The following DAG1 variants were observed in gnomAD, a reference collection of about 807,000 sequenced individuals.
DAG1 encodes the protein dystroglycan 1.
DAG1 carries 8 observed loss-of-function variants against 46.1 expected under a neutral mutation model. The ratio of observed to expected loss-of-function variants is 0.17; its 90% CI spans 0.10 to 0.31. The LOEUF (loss-of-function observed/expected upper bound fraction) is 0.31, where lower values mean the gene tolerates loss of function less well. DAG1 is among the 10% of genes least tolerant of loss of function. The pLI, the probability that DAG1 is intolerant of heterozygous loss-of-function variation, is 1.00. For synonymous variants in DAG1, 495 were observed against 481.8 expected, an observed-to-expected ratio of 1.03 and a Z score of -0.36; for missense variants, 1,003 against 1,189.9, an observed-to-expected ratio of 0.84 and a Z score of 2.31.
At chr3:49,481,975 TATC>T (rs1177160267) in intron 1 of DAG1, among the ~76,000 whole-genome samples, 1 of 152,218 alleles carries the variant, frequency 6.6e-6, no homozygotes, top group Admixed American at 6.5e-5. Flanking sequence ...AATAAACTTT[TATC>T]ATCGTCATCA....
intron 1 of DAG1, among the ~76,000 whole-genome samples, chr3:49,497,158 C>G (rs1460083472): frequency 6.6e-5 from 10 of 151,082 alleles, no homozygotes; most frequent in Non-Finnish European, 1.0e-4. Flanking sequence ...AAAAAATGGC[C>G]GAGCATGATG....
chr3:49,515,561 T>A (rs2050877128), intron 2 of DAG1, among the ~76,000 whole-genome samples: 1 of 151,896 alleles, frequency 6.6e-6, no homozygotes, highest in African/African-American at 2.4e-5. Flanking sequence ...AATTTTTAAA[T>A]TTTTTTGTAG....
At chr3:49,473,584 T>C (rs913724948) in intron 1 of DAG1, among the ~76,000 whole-genome samples, 4 of 140,632 alleles carry the variant, frequency 2.8e-5, no homozygotes, top group Non-Finnish European at 4.6e-5. Flanking sequence ...CTTTTCTTCC[T>C]TTTTTTTTTT....
rs1264404254 is a variant in DAG1 at position 49,534,781 on chromosome 3, T to C, written c.*1582T>C. The C allele has an allele frequency of 6.6e-6, 1 of 152,668 alleles. No individual in the cohort carries two copies. Among genetic ancestry groups the C allele is most frequent in the East Asian group, 1.9e-4 (1 of 5,202 alleles). The allele number at this position is 152,668 out of a possible 1,614,324, so 9.5% of individuals were successfully genotyped here. A position where few individuals can be genotyped will look rare whatever the true frequency, so the allele number is the denominator to read the frequency against. ...CCATTTTGAGCATGACTTTTCTTGA[T>C]GTCTGAAGCGTTATTTTGGGTACTT... is the stretch of plus-strand genomic sequence containing the variant. On this transcript the variant is annotated 3_prime_UTR_variant, in exon 3 of 3. Coordinates refer to ENST00000308775, the MANE Select transcript of DAG1 (RefSeq NM_004393.6).
intron 2 of DAG1, among the ~76,000 whole-genome samples, chr3:49,511,851 G>A (rs757818192): frequency 1.3e-5 from 2 of 152,178 alleles, no homozygotes; most frequent in Admixed American, 6.5e-5. Context: ...AGGCCATATG[G>A]TTTCTGTCAG....
intron 2 of DAG1, among the ~76,000 whole-genome samples, chr3:49,525,863 T>G (rs2051157931): frequency 1.3e-5 from 2 of 150,514 alleles, no homozygotes; most frequent in Non-Finnish European, 1.5e-5. Context: ...CGGCCTTTTT[T>G]TTTTTGAGAT....
At chr3:49,471,061 A>G (rs1242895713) in intron 1 of DAG1, 2 of 152,252 alleles carry the variant, frequency 1.3e-5, no homozygotes, top group African/African-American at 2.4e-5. Context: ...TTAGTTTCCT[A>G]CAAACTCAAC....
At chr3:49,478,936 C>G (rs1174429258) in intron 1 of DAG1, among the ~76,000 whole-genome samples, 1 of 149,746 alleles carries the variant, frequency 6.7e-6, no homozygotes, top group Non-Finnish European at 1.5e-5. Context: ...GCCTCAGCCT[C>G]TTGAGTAGCT....
intron 1 of DAG1, among the ~76,000 whole-genome samples, chr3:49,495,187 G>T (rs1481023458): frequency 6.6e-6 from 1 of 152,194 alleles, no homozygotes; most frequent in African/African-American, 2.4e-5. Flanking sequence ...TACTGAGTTG[G>T]TGAGGGGATG....
Position 49,475,033 on chromosome 3 carries a change from C to T in DAG1, c.-117+4600C>T, listed in dbSNP as rs1238627203. 7.3e-5 allele frequency among the ~76,000 whole-genome samples: 11 copies of T among 151,314 alleles called. No individual in the cohort carries two copies. The South Asian group carries it at 1.5e-3, about 20-fold the overall frequency. On this transcript the variant is annotated intron_variant, in intron 1 of 2. Coordinates refer to ENST00000308775, the MANE Select transcript of DAG1 (RefSeq NM_004393.6). ...TTCACTGTGTTAACCAGGATGGTCTCGATCTACTGACCTCTTGATCTGCCT... is the reference window on the plus strand; with the variant it reads ...TTCACTGTGTTAACCAGGATGGTCTTGATCTACTGACCTCTTGATCTGCCT...
intron 1 of DAG1, among the ~76,000 whole-genome samples, chr3:49,486,464 T>C (rs4855863): frequency 0.98 from 148,141 of 151,804 alleles, 72,395 homozygotes; most frequent in Middle Eastern, 1. Context: ...GTGATCCTCC[T>C]GCCTCAGTAT....
At chr3:49,487,646 A>G (rs1451295142) in intron 1 of DAG1, among the ~76,000 whole-genome samples, 1 of 151,060 alleles carries the variant, frequency 6.6e-6, no homozygotes, top group African/African-American at 2.4e-5. Flanking sequence ...AATCAACAAC[A>G]GTACTACATA....
rs550138034 is a variant in DAG1 at position 49,493,064 on chromosome 3, C to T, written c.-116-17355C>T. The T allele has an allele frequency of 5.6e-5, 4 of 71,430 alleles. No individual in the cohort carries two copies. The South Asian group carries it at 1.6e-3, about 29-fold the overall frequency. The allele number at this position is 71,430 out of a possible 1,614,324, so 4.4% of individuals were successfully genotyped here. On this transcript the variant is annotated intron_variant, in intron 1 of 2. Transcript: ENST00000308775. ...TTTTTTTTTTTTTTTTTTTTTGAGACGACAGGGTCTTGCTCAGTCACCCAG... is the reference window on the plus strand; with the variant it reads ...TTTTTTTTTTTTTTTTTTTTTGAGATGACAGGGTCTTGCTCAGTCACCCAG...
intron 2 of DAG1, among the ~76,000 whole-genome samples, chr3:49,512,523 C>T (rs1003006218): frequency 2.0e-5 from 3 of 151,930 alleles, no homozygotes; most frequent in African/African-American, 7.2e-5. Flanking sequence ...TCCCAAGTAG[C>T]TGGGATTACA....
In DAG1 at chr3:49,533,237, G is replaced by A. The variant is rs1018254780; in HGVS notation, c.*38G>A. 3.7e-6 allele frequency: 6 copies of A among 1,603,868 alleles called. No homozygotes were observed. In the South Asian group the frequency reaches 4.4e-5, roughly 12 times the overall value. ...TGGGTGGAGGCAGGGTAGGGCAGGG[G>A]CCTGGAGACGACATGGTGTTGTCTG... is the stretch of plus-strand genomic sequence containing the variant. On this transcript the variant is annotated 3_prime_UTR_variant, in exon 3 of 3. Transcript: ENST00000308775.
chr3:49,497,881 A>C (rs912535881), intron 1 of DAG1, among the ~76,000 whole-genome samples: 1 of 152,064 alleles, frequency 6.6e-6, no homozygotes, highest in African/African-American at 2.4e-5. Context: ...TCCCTAGAAC[A>C]TGTCTGCACC....
At position 49,510,577 on chromosome 3, in the gene DAG1, G is replaced by T. The variant is rs2107646938; in HGVS notation, c.43G>T (p.Gly15Trp). 2.5e-6 allele frequency: 4 copies of T among 1,613,896 alleles called. No homozygotes were observed. Among genetic ancestry groups the T allele is most frequent in the African/African-American group, 2.7e-5 (2 of 74,978 alleles). ...CCTCTCGCTGCTGCTGCCCCTCTCG[G>T]GGAGGACCTTTCTCCTCCTGCTCTC... is the stretch of plus-strand genomic sequence containing the variant. ...VGLSLLLPLS[G>W]RTFLLLLSVV... is the part of the protein sequence containing the mutation. Residue 15 changes from glycine (G) to tryptophan (W), a missense_variant, in exon 2 of 3, where the codon GGG becomes TGG. Gly to Trp is a radical substitution (Grantham distance 184). This residue lies in a region of DAG1 where 196 missense variants were observed against 239.1 expected (regional missense o/e 0.82). Coordinates refer to ENST00000308775, the MANE Select transcript of DAG1 (RefSeq NM_004393.6).
intron 1 of DAG1, among the ~76,000 whole-genome samples, chr3:49,502,565 A>G (rs1403226908): frequency 6.6e-6 from 1 of 151,794 alleles, no homozygotes; most frequent in East Asian, 1.9e-4. Context: ...TGTTTTACCT[A>G]TTACTTATCT....
At chr3:49,474,814 T>TG (rs1209056845) in intron 1 of DAG1, among the ~76,000 whole-genome samples, 3 of 150,506 alleles carry the variant, frequency 2.0e-5, no homozygotes, top group African/African-American at 7.3e-5. Flanking sequence ...TAATTAGTTT[T>TG]TTTTTTTTTT....
Sources: allele counts gnomAD v4.1 joint callset (sites outside exome capture counted in the v4.1 genomes callset), GRCh38; gene constraint gnomAD v4.1.1; regional missense constraint gnomAD v4.1.1; transcripts MANE v1.5; gene names NCBI Gene and HGNC (gene_info 2026-07-23, HGNC 2026-07-21).